TECPR2: variants seen among roughly 807,000 people sequenced by gnomAD.
The protein encoded by TECPR2 is tectonin beta-propeller repeat-containing protein 2.
Under a neutral mutation model 138.1 loss-of-function variants are expected in TECPR2, and 65 were observed. The ratio of observed to expected loss-of-function variants is 0.47; its 90% CI spans 0.39 to 0.58. The LOEUF (loss-of-function observed/expected upper bound fraction) is 0.58. Among genes scored for constraint, TECPR2 ranks in the 20% least tolerant of loss-of-function variants. The pLI, the probability that TECPR2 is intolerant of heterozygous loss-of-function variation, is 0.00. For missense variants in TECPR2, 1,553 were observed against 1,824.5 expected (o/e 0.85, Z 2.71); for synonymous variants, 746 against 749.8 (o/e 0.99, Z 0.08).
intron 16 of TECPR2, among the ~76,000 whole-genome samples, chr14:102,464,068 C>T (rs1276268705): frequency 2.0e-5 from 3 of 152,356 alleles, no homozygotes; most frequent in Middle Eastern, 3.4e-3. Context: ...TTAGATCCTC[C>T]TTTGCCTCCT....
At chr14:102,371,339 C>T (rs1567312450) in intron 1 of TECPR2, among the ~76,000 whole-genome samples, 1 of 152,194 alleles carries the variant, frequency 6.6e-6, no homozygotes, top group Non-Finnish European at 1.5e-5. Context: ...AGTGAGACAG[C>T]GGCTCTATGC....
At chr14:102,480,140 T>G (rs976890106) in intron 17 of TECPR2, among the ~76,000 whole-genome samples, 1 of 152,050 alleles carries the variant, frequency 6.6e-6, no homozygotes, top group African/African-American at 2.4e-5. Flanking sequence ...TTATTAAAAA[T>G]GTCCAGGCCT....
At chr14:102,431,122 C>G (rs1234947331) in intron 7 of TECPR2, among the ~76,000 whole-genome samples, 1 of 148,554 alleles carries the variant, frequency 6.7e-6, no homozygotes, top group Non-Finnish European at 1.5e-5. Flanking sequence ...CTCCCAGGCT[C>G]AAATGATTCT....
chr14:102,464,679 C>T (rs1394143807), intron 16 of TECPR2, among the ~76,000 whole-genome samples: 1 of 152,188 alleles, frequency 6.6e-6, no homozygotes, highest in Non-Finnish European at 1.5e-5. Context: ...GCCACTGTGC[C>T]CAGTCAGTTT....
Position 102,434,867 on chromosome 14 carries a change from C to T in TECPR2, c.2050C>T (p.Leu684=), listed in dbSNP as rs45467297. 14 of 1,613,676 alleles carry T rather than the reference C, an allele frequency of 8.7e-6. No individual in the cohort carries two copies. The highest frequency in any genetic ancestry group is 1.2e-5 in the Non-Finnish European group (14 of 1,180,018). The part of the protein sequence containing the change: ...PVEPSQEQDI[L]TSMEASGHLS... ...GGAGCCCAGCCAAGAGCAGGACATCCTAACCAGCATGGAGGCCTCTGGCCA... is the reference window on the plus strand; with the variant it reads ...GGAGCCCAGCCAAGAGCAGGACATCTTAACCAGCATGGAGGCCTCTGGCCA... The change falls in exon 9 of 20, where the codon CTA becomes TTA. Residue 684 remains leucine, a synonymous_variant. Coordinates refer to ENST00000359520, the MANE Select transcript of TECPR2 (RefSeq NM_014844.5).
rs998295033 is a variant in TECPR2, at chr14:102,443,029, A to G, written c.2753-618A>G. Among the ~76,000 whole-genome samples the G allele has an allele frequency of 1.3e-5, 2 of 152,200 alleles. No homozygotes were observed. The highest frequency in any genetic ancestry group is 2.1e-4 in the South Asian group (1 of 4,834). ...TCTGGGAAATTCGGGGTTTCATTTT[A>G]TTAGTGGAACCTCGCACCCAGTCAG... On this transcript the variant is annotated intron_variant, in intron 11 of 19. Coordinates refer to ENST00000359520, the MANE Select transcript of TECPR2 (RefSeq NM_014844.5). The surrounding 1 kb of genome is among the most constrained non-coding windows in gnomAD (Gnocchi z 4.9).
intron 16 of TECPR2, among the ~76,000 whole-genome samples, chr14:102,461,470 A>T (rs1318284776): frequency 2.0e-5 from 3 of 152,236 alleles, no homozygotes; most frequent in Non-Finnish European, 4.4e-5. Flanking sequence ...AATAATCCTA[A>T]AGGGAAAATG....
intron 11 of TECPR2, among the ~76,000 whole-genome samples, chr14:102,441,058 G>T (rs940225606): frequency 5.9e-5 from 9 of 151,814 alleles, no homozygotes; most frequent in African/African-American, 2.2e-4. Flanking sequence ...GAAAAAAAAA[G>T]AAATAATTTG....
At chr14:102,363,904 G>C (rs540546081) in intron 1 of TECPR2, among the ~76,000 whole-genome samples, 1 of 152,202 alleles carries the variant, frequency 6.6e-6, no homozygotes, top group Admixed American at 6.5e-5. Flanking sequence ...GCTAGCCTGC[G>C]TTCTCGCCCT....
Position 102,443,628 on chromosome 14 carries a change from C to T in TECPR2, c.2753-19C>T. 1 of 1,535,268 alleles carries T rather than the reference C, an allele frequency of 6.5e-7. No homozygotes were observed. The highest frequency in any genetic ancestry group is 8.9e-7 in the Non-Finnish European group (1 of 1,127,568). On this transcript the variant is annotated intron_variant, in intron 11 of 19. Coordinates refer to ENST00000359520, the MANE Select transcript of TECPR2 (RefSeq NM_014844.5). The surrounding 1 kb of genome is among the most constrained non-coding windows in gnomAD (Gnocchi z 4.9). ...TTCTGACTGTGTGTCTTTGGGGCTT[C>T]TTCCCATCTTCCTGGCAGGTCTGAG...
intron 1 of TECPR2, among the ~76,000 whole-genome samples, chr14:102,371,182 C>G (rs1370901609): frequency 6.6e-6 from 1 of 152,058 alleles, no homozygotes; most frequent in East Asian, 1.9e-4. Context: ...GAAAGAGGGT[C>G]AGTTCTGTGG....
intron 15 of TECPR2, among the ~76,000 whole-genome samples, 173 bp downstream of exon 15, chr14:102,450,822 G>A (rs1273750607): frequency 6.6e-6 from 1 of 152,280 alleles, no homozygotes; most frequent in African/African-American, 2.4e-5. Flanking sequence ...GCCCTGAATC[G>A]GGATAGGCCT....
chr14:102,402,028 A>G (rs906491450), intron 2 of TECPR2, among the ~76,000 whole-genome samples: 1 of 152,164 alleles, frequency 6.6e-6, no homozygotes, highest in Non-Finnish European at 1.5e-5. Context: ...AGAAAAATAA[A>G]GAAACTTTAC....
intron 10 of TECPR2, among the ~76,000 whole-genome samples, chr14:102,439,263 A>T (rs535162787): frequency 1.1e-4 from 17 of 152,236 alleles, no homozygotes; most frequent in African/African-American, 3.9e-4. Flanking sequence ...AGGACATTGG[A>T]ATAGAAGTCA....
In TECPR2 at chr14:102,500,921, C is replaced by G. The variant is rs1344602544; in HGVS notation, c.*2664C>G. 1 of 152,294 alleles carries G rather than the reference C, an allele frequency of 6.6e-6. No homozygotes were observed. Among genetic ancestry groups the G allele is most frequent in the Non-Finnish European group, 1.5e-5 (1 of 68,074 alleles). 9.4% of individuals were successfully genotyped at this position (152,294 alleles called of 1,614,324 possible). ...CTTGAGACTCAGAGAGGTTAGGTAA[C>G]TTGCTCAAGGTCACACAGCACTGGG... On this transcript the variant is annotated 3_prime_UTR_variant, in exon 20 of 20. Coordinates refer to ENST00000359520, the MANE Select transcript of TECPR2 (RefSeq NM_014844.5).
intron 4 of TECPR2, among the ~76,000 whole-genome samples, chr14:102,412,481 A>G (rs1189371346): frequency 2.6e-5 from 4 of 152,082 alleles, no homozygotes; most frequent in African/African-American, 9.7e-5. Flanking sequence ...TAACATCAAC[A>G]TCATTGTAAT....
chr14:102,423,700 CCT>C (rs1466376921), intron 5 of TECPR2, among the ~76,000 whole-genome samples: 1 of 152,100 alleles, frequency 6.6e-6, no homozygotes, highest in Non-Finnish European at 1.5e-5. Flanking sequence ...CTCAAACATC[CCT>C]GTCACTAAGT....
chr14:102,431,024 C>CTT (rs10713792), intron 7 of TECPR2, among the ~76,000 whole-genome samples: 2,138 of 122,576 alleles, frequency 0.017, 91 homozygotes, highest in East Asian at 0.054. Context: ...TATTTTTTTA[C>CTT]TTTTTTTTTT....
chr14:102,470,059 C>T (rs78595598), intron 17 of TECPR2, among the ~76,000 whole-genome samples: 4,147 of 152,140 alleles, frequency 0.027, 78 homozygotes, highest in Middle Eastern at 0.088. Context: ...GGTTTTCTTG[C>T]CATGTGTTTG....
Sources: allele counts gnomAD v4.1 joint callset (sites outside exome capture counted in the v4.1 genomes callset), GRCh38; gene constraint gnomAD v4.1.1; non-coding constraint Gnocchi (gnomAD v3.1); transcripts MANE v1.5; gene names NCBI Gene and HGNC (gene_info 2026-07-23, HGNC 2026-07-21).